FRMPD1: variants seen among roughly 807,000 people sequenced by gnomAD.
FRMPD1 encodes FERM and PDZ domain-containing protein 1.
In FRMPD1, 76 loss-of-function variants were observed where a neutral mutation model predicts 117.8. The observed-to-expected ratio is 0.65, with a 90% CI of 0.54 to 0.78. FRMPD1 has a LOEUF of 0.78. Ranked by LOEUF, FRMPD1 falls within the 30% of genes least tolerant of loss-of-function variation. The probability of loss-of-function intolerance (pLI) is 0.00; values close to 1 mark genes in which losing one functional copy is unlikely to be tolerated. For synonymous variants in FRMPD1, 783 were observed against 770.4 expected (o/e 1.02, Z -0.27); for missense variants, 1,786 against 1,964.5 (o/e 0.91, Z 1.72).
rs1410408956 is a variant in FRMPD1, at chr9:37,651,043, A to C, written c.-56A>C. 1 of 152,016 alleles carries C rather than the reference A, an allele frequency of 6.6e-6. No homozygotes were observed. Among genetic ancestry groups the C allele is most frequent in the Non-Finnish European group, 1.5e-5 (1 of 68,016 alleles). The allele number at this position is 152,016 out of a possible 1,614,324, so 9.4% of individuals were successfully genotyped here. ...CGCTGGGCGGGGCCGCCCTTCTCCG[A>C]GAGCGTCAGCCCGCTAGGTCCTTGT... On this transcript the variant is annotated 5_prime_UTR_variant, in exon 1 of 16. Coordinates refer to ENST00000377765, the MANE Select transcript of FRMPD1 (RefSeq NM_014907.3).
At chr9:37,680,750 T>G (rs1316963274) in intron 1 of FRMPD1, among the ~76,000 whole-genome samples, 1 of 152,122 alleles carries the variant, frequency 6.6e-6, no homozygotes, top group African/African-American at 2.4e-5. Flanking sequence ...GTGAGCATTG[T>G]TTTTTCTCTG....
At chr9:37,722,556 TG>T (rs1013513629) in intron 6 of FRMPD1, among the ~76,000 whole-genome samples, 4 of 152,112 alleles carry the variant, frequency 2.6e-5, no homozygotes, top group Admixed American at 6.6e-5. Flanking sequence ...TATGGGTGTG[TG>T]CCACCACGCC....
intron 1 of FRMPD1, among the ~76,000 whole-genome samples, chr9:37,666,953 C>T (rs116936913): frequency 1.9e-3 from 284 of 152,164 alleles, no homozygotes; most frequent in Admixed American, 8.0e-3. Context: ...CCGTCCTCGC[C>T]TTGCATCAGT....
At chr9:37,603,373 C>A in the FRMPD1 span, among the ~76,000 whole-genome samples, 1 of 152,066 alleles carries the variant, frequency 6.6e-6, no homozygotes, top group East Asian at 1.9e-4. Context: ...GGCAACTGAA[C>A]CATTGGTTTG....
At chr9:37,638,327 C>T in the FRMPD1 span, among the ~76,000 whole-genome samples, 6 of 152,102 alleles carry the variant, frequency 3.9e-5, no homozygotes, top group Admixed American at 1.3e-4. Flanking sequence ...CCCGCTTCGG[C>T]CTTCCAAAGT....
the FRMPD1 span, among the ~76,000 whole-genome samples, chr9:37,622,266 A>T: frequency 1.1e-3 from 162 of 152,294 alleles, 3 homozygotes; most frequent in East Asian, 0.029. Flanking sequence ...GTTATAAACT[A>T]TTAGGTGCTG....
chr9:37,740,153 G>A lies in FRMPD1; in HGVS notation c.1625G>A (p.Arg542Lys). The A allele has an allele frequency of 6.2e-7, 1 of 1,614,018 alleles. No individual in the cohort carries two copies. The highest frequency in any genetic ancestry group is 8.5e-7 in the Non-Finnish European group (1 of 1,179,922). ...VDCVLEPLSD[R>K]RLVKLAPCRS... is the part of the protein sequence containing the mutation. ...TGCGTACTCGAACCTCTCTCTGACAGGCGCCTGGTGAAACTGGCACCCTGC... is the reference window on the plus strand; with the variant it reads ...TGCGTACTCGAACCTCTCTCTGACAAGCGCCTGGTGAAACTGGCACCCTGC... Residue 542 changes from arginine to lysine, a missense_variant, in exon 15 of 16, where the codon AGG (arginine) becomes AAG (lysine). Arg to Lys is a conservative substitution (Grantham distance 26). Transcript: ENST00000377765. The surrounding 1 kb of genome is among the most constrained non-coding windows in gnomAD (Gnocchi z 4.2).
In FRMPD1 at chr9:37,745,153, A is replaced by G. The variant is rs776159872; in HGVS notation, c.3121A>G (p.Thr1041Ala). The G allele has an allele frequency of 6.2e-7, 1 of 1,614,100 alleles. No individual in the cohort carries two copies. The highest frequency in any genetic ancestry group is 8.5e-7 in the Non-Finnish European group (1 of 1,180,028). The change falls in exon 16 of 16, where the codon ACA (threonine) becomes GCA (alanine). Residue 1041 changes from threonine to alanine, a missense_variant. Transcript: ENST00000377765. ...ACTAAATAATGTCTCTCAAGGAGACACACTAGAGCTCCAGTTGGAGCCCCA... is the reference window on the plus strand; with the variant it reads ...ACTAAATAATGTCTCTCAAGGAGACGCACTAGAGCTCCAGTTGGAGCCCCA... The part of the protein sequence containing the change: ...PGLNNVSQGD[T>A]LELQLEPHVQ...
intron 15 of FRMPD1, among the ~76,000 whole-genome samples, chr9:37,742,156 T>C (rs1824454229): frequency 6.7e-6 from 1 of 149,652 alleles, no homozygotes; most frequent in Admixed American, 6.6e-5. Context: ...GAATGAAGTC[T>C]CCACCATCTA....
chr9:37,642,987 T>A, the FRMPD1 span, among the ~76,000 whole-genome samples: 125 of 152,316 alleles, frequency 8.2e-4, no homozygotes, highest in Non-Finnish European at 1.5e-3. Flanking sequence ...TTATCTAAAG[T>A]ATTTTTGAGT....
At chr9:37,713,935 T>C (rs1252327029) in intron 5 of FRMPD1, among the ~76,000 whole-genome samples, 4 of 152,202 alleles carry the variant, frequency 2.6e-5, no homozygotes, top group Non-Finnish European at 5.9e-5. Flanking sequence ...ATATAAACCT[T>C]CTGTGGTCCA....
chr9:37,722,609 T>C (rs1186565587), intron 6 of FRMPD1, among the ~76,000 whole-genome samples: 1 of 152,148 alleles, frequency 6.6e-6, no homozygotes, highest in Non-Finnish European at 1.5e-5. Context: ...GGTTTCACCA[T>C]GTGTAGGCTT....
At chr9:37,618,381 C>T in the FRMPD1 span, among the ~76,000 whole-genome samples, 3 of 152,174 alleles carry the variant, frequency 2.0e-5, no homozygotes, top group East Asian at 5.8e-4. Flanking sequence ...GGCAGTTCTC[C>T]CTCTCCACTG....
chr9:37,701,562 T>C (rs1822536184), intron 2 of FRMPD1, among the ~76,000 whole-genome samples: 1 of 150,886 alleles, frequency 6.6e-6, no homozygotes, highest in Admixed American at 6.6e-5. Flanking sequence ...AGGTGAGTTA[T>C]TCTAGACAGA....
chr9:37,692,549 G>A (rs1406541351), intron 1 of FRMPD1, 89 bp from the exon 2 acceptor site: 8 of 858,060 alleles, frequency 9.3e-6, no homozygotes, highest in African/African-American at 1.7e-5. Context: ...TCTTATAATG[G>A]GCAAATAAAG....
the FRMPD1 span, among the ~76,000 whole-genome samples, chr9:37,605,110 T>C: frequency 1.3e-5 from 2 of 152,228 alleles, no homozygotes; most frequent in African/African-American, 2.4e-5. Flanking sequence ...TCAGTGCATA[T>C]ATAACCTTTT....
the FRMPD1 span, among the ~76,000 whole-genome samples, chr9:37,607,468 G>A: frequency 2.6e-5 from 4 of 152,236 alleles, no homozygotes; most frequent in East Asian, 1.9e-4. Flanking sequence ...GGGAAAAAGC[G>A]CCTCCTTTGT....
rs1824232207 is a variant in FRMPD1, at chr9:37,738,406, C to A, written c.1549+1163C>A. Among the ~76,000 whole-genome samples the A allele has an allele frequency of 2.0e-5, 3 of 152,152 alleles. No individual in the cohort carries two copies. The South Asian group carries it at 6.2e-4, about 32-fold the overall frequency. ...CCAGGCTGGAGTGCAGTGGTGCAATCTTGGCTCACTGCAGCCTCCACCTCC... is the reference window on the plus strand; with the variant it reads ...CCAGGCTGGAGTGCAGTGGTGCAATATTGGCTCACTGCAGCCTCCACCTCC... On this transcript the variant is annotated intron_variant, in intron 14 of 15. Transcript: ENST00000377765.
chr9:37,685,451 G>A (rs1410866373), intron 1 of FRMPD1, among the ~76,000 whole-genome samples: 5 of 151,946 alleles, frequency 3.3e-5, no homozygotes, highest in Admixed American at 3.3e-4. Flanking sequence ...AGACTATCCT[G>A]GCTAACACGG....
Sources: allele counts gnomAD v4.1 joint callset (sites outside exome capture counted in the v4.1 genomes callset), GRCh38; gene constraint gnomAD v4.1.1; non-coding constraint Gnocchi (gnomAD v3.1); transcripts MANE v1.5; gene names NCBI Gene and HGNC (gene_info 2026-07-23, HGNC 2026-07-21).